Variants in ABCC2 observed in about 807,000 individuals in gnomAD.
ABCC2 encodes ATP binding cassette subfamily C member 2.
Under a neutral mutation model 173.4 loss-of-function variants are expected in ABCC2, and 157 were observed. The ratio of observed to expected loss-of-function variants is 0.91; its 90% confidence interval spans 0.80 to 1.03. ABCC2 has a LOEUF of 1.03. Among genes scored for constraint, ABCC2 ranks in the 50% least tolerant of loss-of-function variants. The pLI is 0.00. For synonymous variants in ABCC2, 657 were observed against 693.5 expected, an observed-to-expected ratio of 0.95 and a Z score of 0.83; for missense variants, 1,822 against 1,852.3, an observed-to-expected ratio of 0.98 and a Z score of 0.30.
chr10:99,809,986 G>T, intron 13 of ABCC2, 148 bp from the exon 14 acceptor site: 1 of 692,332 alleles, frequency 1.4e-6, no homozygotes, highest in East Asian at 2.8e-5. Flanking sequence ...TGTCTATGGT[G>T]GGATAGCTTC....
chr10:99,831,760 T>C lies in ABCC2; in HGVS notation c.3033T>C (p.Asn1011=). ...GGACCAGTGACTCTAAAATCTTCAA[T>C]AGCACCGACTATCCAGCATCTCAGA... ...SAWTSDSKIF[N]STDYPASQRD... Residue 1011 remains asparagine (N), a synonymous_variant, in exon 22 of 32, where the codon AAT becomes AAC. Transcript: ENST00000647814. 1 of 1,614,190 alleles carries C rather than the reference T, an allele frequency of 6.2e-7. No individual in the cohort carries two copies.
Position 99,842,084 on chromosome 10 carries a change from T to G in ABCC2, c.3732T>G (p.Asn1244Lys), listed in dbSNP as rs757141905. The change falls in exon 26 of 32, where the codon AAT (asparagine) becomes AAG (lysine). Residue 1244 changes from asparagine (N) to lysine (K), a missense_variant. Transcript: ENST00000647814. ...ACACTGTTGGCTTTGTTCTGTCCAA[T>G]GCACTCAATGTGAGTTTGAAGGTTG... is the stretch of plus-strand genomic sequence containing the variant. ...SGDTVGFVLS[N>K]ALNITQTLNW... is the part of the protein sequence containing the mutation. The G allele has an allele frequency of 7.4e-5, 119 of 1,614,096 alleles. No individual in the cohort carries two copies. In the East Asian group the frequency reaches 2.3e-3, roughly 32 times the overall value.
chr10:99,804,247 C>G lies in ABCC2; in HGVS notation c.1438C>G (p.Leu480Val), dbSNP rs766700788. ...GCTTGTAATCCCAATTAATGCGATACTGTCCACCAAGAGTAAGACCATTCA... is the reference window on the plus strand; with the variant it reads ...GCTTGTAATCCCAATTAATGCGATAGTGTCCACCAAGAGTAAGACCATTCA... Reference protein sequence around the residue: ...MVLVIPINAILSTKSKTIQVK... With the variant: ...MVLVIPINAIVSTKSKTIQVK... Residue 480 changes from leucine to valine, a missense_variant, in exon 10 of 32, where the codon CTG becomes GTG. Coordinates refer to ENST00000647814, the MANE Select transcript of ABCC2 (RefSeq NM_000392.5). 6 of 1,614,004 alleles carry G rather than the reference C, an allele frequency of 3.7e-6. No individual in the cohort carries two copies. The East Asian group carries it at 1.1e-4, about 30-fold the overall frequency.
At chr10:99,813,522 C>A (rs923729020) in intron 16 of ABCC2, among the ~76,000 whole-genome samples, 1 of 152,132 alleles carries the variant, frequency 6.6e-6, no homozygotes, top group Non-Finnish European at 1.5e-5. Context: ...TCGAGACCAG[C>A]CTGGTCAACA....
chr10:99,812,925 T>C, intron 15 of ABCC2, 93 bp from the exon 16 acceptor site: 1 of 1,531,538 alleles, frequency 6.5e-7, no homozygotes. Flanking sequence ...AATCTCCTGA[T>C]ACCAGACTTC....
chr10:99,812,866 C>T lies in ABCC2; in HGVS notation c.1968-152C>T. The stretch of plus-strand genomic sequence containing the variant: ...AGAAAAAGAAAAAGTATTAAAGAAG[C>T]ACTTTGGGGTCTTGTATATCCAAGG... On this transcript the variant is annotated intron_variant, in intron 15 of 31. Coordinates refer to ENST00000647814, the MANE Select transcript of ABCC2 (RefSeq NM_000392.5). The T allele has an allele frequency of 3.3e-6, 3 of 905,796 alleles. No homozygotes were observed. In the South Asian group the frequency reaches 4.1e-5, roughly 12 times the overall value. 56.1% of individuals were successfully genotyped at this position (905,796 alleles called of 1,614,324 possible).
At chr10:99,791,024 C>A (rs1476699777) in intron 2 of ABCC2, among the ~76,000 whole-genome samples, 2 of 152,116 alleles carry the variant, frequency 1.3e-5, no homozygotes, top group African/African-American at 4.8e-5. Flanking sequence ...AATTTTCCCC[C>A]TGATAGGTGG....
chr10:99,815,503 CT>C (rs1017867007), intron 16 of ABCC2, among the ~76,000 whole-genome samples: 5 of 150,982 alleles, frequency 3.3e-5, no homozygotes, highest in Non-Finnish European at 1.5e-5. Context: ...GCTAATTATG[CT>C]TTTTTTTTTA....
At chr10:99,804,782 T>G (rs2038072206) in intron 10 of ABCC2, among the ~76,000 whole-genome samples, 1 of 152,258 alleles carries the variant, frequency 6.6e-6, no homozygotes, top group Admixed American at 6.5e-5. Context: ...TTCACTCATT[T>G]GTTTTGCATT....
intron 6 of ABCC2, among the ~76,000 whole-genome samples, chr10:99,795,215 G>A (rs1048016502): frequency 2.0e-5 from 3 of 152,148 alleles, no homozygotes; most frequent in South Asian, 2.1e-4. Context: ...GAAATAAAAT[G>A]AAAGACATTG....
chr10:99,837,460 C>CTT (rs1233997069), intron 25 of ABCC2, among the ~76,000 whole-genome samples: 5 of 5,692 alleles, frequency 8.8e-4, no homozygotes, highest in South Asian at 3.7e-3. Context: ...TCTTTTTTTT[C>CTT]TTTTTTTTTT....
At chr10:99,797,377 G>A in intron 7 of ABCC2, 46 bp downstream of exon 7, 1 of 1,534,962 alleles carries the variant, frequency 6.5e-7, no homozygotes, top group Middle Eastern at 1.7e-4. Context: ...CATGTTTCAG[G>A]CAAGGGTACA....
rs1362202519 is a variant in ABCC2, at chr10:99,819,203, A to G, written c.2554A>G (p.Lys852Glu). ...ATCCTACAGTGCTCTCCTGGCCAAA[A>G]AAGGAGAGTTTGCTAAGAATCTGAA... ...KGSYSALLAK[K>E]GEFAKNLKTF... The change falls in exon 19 of 32, where the codon AAA becomes GAA. Residue 852 changes from lysine (K) to glutamate (E), a missense_variant. Transcript: ENST00000647814. 6.2e-7 allele frequency: 1 copy of G among 1,614,188 alleles called. No individual in the cohort carries two copies. Among genetic ancestry groups the G allele is most frequent in the Non-Finnish European group, 8.5e-7 (1 of 1,180,038 alleles).
At chr10:99,845,918 C>A (rs150229654) in intron 29 of ABCC2, 136 bp downstream of exon 29, 1 of 994,590 alleles carries the variant, frequency 1.0e-6, no homozygotes, top group Non-Finnish European at 1.5e-6. Flanking sequence ...TGAGCTAGTT[C>A]CCTAGGATGG....
chr10:99,845,509 AGATGGAG>A, intron 28 of ABCC2, 108 bp from the exon 29 acceptor site: 2 of 1,329,664 alleles, frequency 1.5e-6, no homozygotes, highest in Non-Finnish European at 2.2e-6. Flanking sequence ...AATATCTTAG[AGATGGAG>A]TAGCCAGTCA....
chr10:99,794,264 A>G (rs552682119), intron 5 of ABCC2, 149 bp from the exon 6 acceptor site: 1 of 834,500 alleles, frequency 1.2e-6, no homozygotes, highest in South Asian at 1.5e-5. Flanking sequence ...TAGGGTCTCC[A>G]AATAAACACA....
At chr10:99,835,655 C>T (rs991885576) in intron 24 of ABCC2, among the ~76,000 whole-genome samples, 1 of 152,130 alleles carries the variant, frequency 6.6e-6, no homozygotes, top group African/African-American at 2.4e-5. Context: ...CCTAGGCATG[C>T]CTTTTTCTGG....
chr10:99,803,662 G>A (rs1391646743), intron 9 of ABCC2, among the ~76,000 whole-genome samples: 1 of 152,124 alleles, frequency 6.6e-6, no homozygotes. Context: ...ACAAAGGTAA[G>A]CTCAGGATAT....
Position 99,842,066 on chromosome 10 carries a change from T to G in ABCC2, c.3714T>G (p.Val1238=). 1 of 1,614,226 alleles carries G rather than the reference T, an allele frequency of 6.2e-7. No individual in the cohort carries two copies. Among genetic ancestry groups the G allele is most frequent in the Non-Finnish European group, 8.5e-7 (1 of 1,180,032 alleles). ...GAGATACCCTAAGTGGGGACACTGT[T>G]GGCTTTGTTCTGTCCAATGCACTCA... ...IYRDTLSGDT[V]GFVLSNALNI... The change falls in exon 26 of 32, where the codon GTT becomes GTG. Residue 1238 remains valine, a synonymous_variant. Coordinates refer to ENST00000647814, the MANE Select transcript of ABCC2 (RefSeq NM_000392.5).
Sources: gnomAD v4.1 joint callset for allele counts (sites outside exome capture counted in the v4.1 genomes callset) on GRCh38, gnomAD v4.1.1 for gene constraint, MANE v1.5 for transcripts, NCBI Gene and HGNC (gene_info 2026-07-23, HGNC 2026-07-21) for gene names.